Variants in ANKRD44 observed in about 807,000 individuals in gnomAD.
ANKRD44 encodes the protein serine/threonine-protein phosphatase 6 regulatory ankyrin repeat subunit B.
ANKRD44 carries 35 observed loss-of-function variants against 116.0 expected under a neutral mutation model. That is an observed-to-expected ratio of 0.30 (90% CI 0.23 to 0.40). The LOEUF is 0.40. ANKRD44 is among the 10% of genes least tolerant of loss of function. The pLI is 1.00. For missense variants in ANKRD44, 1,014 were observed against 1,242.6 expected (o/e 0.82, Z 2.77); for synonymous variants, 435 against 461.8 (o/e 0.94, Z 0.74).
intron 2 of ANKRD44, among the ~76,000 whole-genome samples, chr2:197,166,307 C>T (rs2080100046): frequency 6.6e-6 from 1 of 152,176 alleles, no homozygotes; most frequent in South Asian, 2.1e-4. Context: ...ACCCAATAAA[C>T]TGCAATCCAA....
chr2:197,247,535 G>T (rs527564108), intron 1 of ANKRD44, among the ~76,000 whole-genome samples: 106 of 152,346 alleles, frequency 7.0e-4, no homozygotes, highest in African/African-American at 2.1e-3. Flanking sequence ...CCAGTGGCAA[G>T]AAGTGGGATA....
intron 16 of ANKRD44, among the ~76,000 whole-genome samples, chr2:197,063,457 G>T (rs1377695854): frequency 5.9e-5 from 9 of 152,210 alleles, no homozygotes; most frequent in Admixed American, 5.9e-4. Context: ...GACGGAGAAC[G>T]ACTTTGACGA....
In ANKRD44 at chr2:197,070,509, T is replaced by C. The variant is rs117019658; in HGVS notation, c.1650+8194A>G. Among the ~76,000 whole-genome samples, 22 of 152,310 alleles carry C rather than the reference T, an allele frequency of 1.4e-4. No homozygotes were observed. In the East Asian group the frequency reaches 3.9e-3, roughly 27 times the overall value. ...TCTGCATTGGTTGATATAAATCTGA[T>C]TTTTCTTCTTTAGCCTGTTAATACA... On this transcript the variant is annotated intron_variant, in intron 16 of 27. Coordinates refer to ENST00000282272, the MANE Select transcript of ANKRD44 (RefSeq NM_001195144.2).
intron 2 of ANKRD44, among the ~76,000 whole-genome samples, chr2:197,177,134 C>A (rs1251522137): frequency 6.6e-6 from 1 of 152,140 alleles, no homozygotes; most frequent in Non-Finnish European, 1.5e-5. Context: ...TACCTCTGCC[C>A]ATTCACTTTT....
At chr2:197,078,667 T>A in intron 16 of ANKRD44, 36 bp downstream of exon 16, 1 of 1,606,034 alleles carries the variant, frequency 6.2e-7, no homozygotes, top group South Asian at 1.1e-5. Flanking sequence ...TATGTGTGTG[T>A]GTGTGTGTTA....
intron 21 of ANKRD44, among the ~76,000 whole-genome samples, chr2:197,005,476 G>A (rs1025908186): frequency 3.3e-5 from 5 of 152,270 alleles, no homozygotes; most frequent in African/African-American, 1.2e-4. Flanking sequence ...TTAACTAAAA[G>A]GGGAAAGTGA....
At chr2:197,304,136 T>G (rs1444749890) in intron 1 of ANKRD44, among the ~76,000 whole-genome samples, 1 of 151,992 alleles carries the variant, frequency 6.6e-6, no homozygotes, top group African/African-American at 2.4e-5. Context: ...TGAAACCTCA[T>G]CTCTACTAAA....
chr2:197,086,820 T>A, intron 12 of ANKRD44, 72 bp from the exon 13 acceptor site: 1 of 1,418,812 alleles, frequency 7.0e-7, no homozygotes, highest in Non-Finnish European at 9.9e-7. Context: ...AAGAGCTATT[T>A]TCTGCAGAGT....
chr2:197,099,567 G>C (rs2078241554), intron 10 of ANKRD44: 2 of 1,200,822 alleles, frequency 1.7e-6, no homozygotes, highest in Non-Finnish European at 2.1e-6. Context: ...TACGAATAAA[G>C]TTCAAGTTTC....
intron 10 of ANKRD44, 113 bp downstream of exon 10, chr2:197,099,703 G>A: frequency 3.4e-6 from 5 of 1,469,888 alleles, no homozygotes; most frequent in Non-Finnish European, 4.5e-6. Flanking sequence ...TAGTATAATG[G>A]TATAGATCCA....
intron 2 of ANKRD44, among the ~76,000 whole-genome samples, chr2:197,177,707 A>G (rs2697238): frequency 0.57 from 85,966 of 151,808 alleles, 28,201 homozygotes; most frequent in East Asian, 0.88. Context: ...AAAGGCAAAA[A>G]TCCCACCACC....
chr2:197,268,550 C>A (rs1370973906), intron 1 of ANKRD44, among the ~76,000 whole-genome samples: 1 of 152,138 alleles, frequency 6.6e-6, no homozygotes, highest in African/African-American at 2.4e-5. Flanking sequence ...AAATTAAAAT[C>A]CAGAGAGGAA....
chr2:197,052,456 A>C (rs1044137272), intron 16 of ANKRD44, among the ~76,000 whole-genome samples: 6 of 152,160 alleles, frequency 3.9e-5, no homozygotes, highest in Non-Finnish European at 7.3e-5. Flanking sequence ...TTACAGATGT[A>C]GGCTGTTTGG....
intron 12 of ANKRD44, among the ~76,000 whole-genome samples, chr2:197,087,795 C>T (rs1406902676): frequency 6.6e-6 from 1 of 151,974 alleles, no homozygotes; most frequent in Non-Finnish European, 1.5e-5. Flanking sequence ...AGTGGCAGAT[C>T]CAACTTGTGT....
chr2:197,089,380 T>C (rs1388761747), intron 11 of ANKRD44, among the ~76,000 whole-genome samples: 1 of 152,174 alleles, frequency 6.6e-6, no homozygotes, highest in African/African-American at 2.4e-5. Flanking sequence ...TCTTAATATA[T>C]GACAGTTGGC....
chr2:197,172,001 T>TC (rs1427450125), intron 2 of ANKRD44, among the ~76,000 whole-genome samples: 126 of 123,404 alleles, frequency 1.0e-3, no homozygotes, highest in African/African-American at 5.1e-3. Flanking sequence ...TTTTTCTTCT[T>TC]TTTTTTTTTT....
chr2:196,986,986 C>T lies in ANKRD44; in HGVS notation c.*2605G>A. ...GTTATGCAAAATATAACACTGGCACCAGATTTGTATCATCGTGCTTTACAA... is the reference window on the plus strand; with the variant it reads ...GTTATGCAAAATATAACACTGGCACTAGATTTGTATCATCGTGCTTTACAA... On this transcript the variant is annotated 3_prime_UTR_variant, in exon 28 of 28. Transcript: ENST00000282272. The T allele has an allele frequency of 2.0e-6, 2 of 985,316 alleles. No homozygotes were observed. Among genetic ancestry groups the T allele is most frequent in the Non-Finnish European group, 2.4e-6 (2 of 829,886 alleles). 61.0% of individuals were successfully genotyped at this position (985,316 alleles called of 1,614,324 possible).
chr2:197,076,561 T>C (rs2077670753), intron 16 of ANKRD44, among the ~76,000 whole-genome samples: 1 of 152,136 alleles, frequency 6.6e-6, no homozygotes. Context: ...ATAGGTAAAT[T>C]TGTGTCATGG....
At chr2:197,070,668 C>T (rs2077539362) in intron 16 of ANKRD44, among the ~76,000 whole-genome samples, 1 of 151,940 alleles carries the variant, frequency 6.6e-6, no homozygotes, top group Non-Finnish European at 1.5e-5. Context: ...TTTTTGCATT[C>T]ATGTTCATGA....
Sources: gnomAD v4.1 joint callset for allele counts (sites outside exome capture counted in the v4.1 genomes callset) on GRCh38, gnomAD v4.1.1 for gene constraint, MANE v1.5 for transcripts, NCBI Gene and HGNC (gene_info 2026-07-23, HGNC 2026-07-21) for gene names.